The following MARCHF4 variants were observed in gnomAD, a reference collection of about 807,000 sequenced individuals.
MARCHF4 encodes the protein membrane associated ring-CH-type finger 4, also known as E3 ubiquitin-protein ligase MARCHF4.
Under a neutral mutation model 43.9 loss-of-function variants are expected in MARCHF4, and 14 were observed. That is an observed-to-expected ratio of 0.32 (90% CI 0.21 to 0.50). The LOEUF (loss-of-function observed/expected upper bound fraction) is 0.50, where lower values mean the gene tolerates loss of function less well. Among genes scored for constraint, MARCHF4 ranks in the 20% least tolerant of loss-of-function variants. The pLI is 0.98. For missense variants in MARCHF4, 468 were observed against 536.7 expected (o/e 0.87, Z 1.27); for synonymous variants, 226 against 213.3 (o/e 1.06, Z -0.52).
At chr2:216,368,423 C>A (rs988506999) in intron 1 of MARCHF4, among the ~76,000 whole-genome samples, 2 of 152,124 alleles carry the variant, frequency 1.3e-5, no homozygotes, top group African/African-American at 4.8e-5. Context: ...ATGGAAGAAC[C>A]CAGCCCCCAG....
chr2:216,275,990 T>G (rs1328546528), intron 3 of MARCHF4, among the ~76,000 whole-genome samples: 2 of 152,222 alleles, frequency 1.3e-5, no homozygotes, highest in Non-Finnish European at 2.9e-5. Flanking sequence ...AACCAGAAGT[T>G]AAGCCCAGCC....
chr2:216,301,251 C>T (rs1691488844), intron 1 of MARCHF4, among the ~76,000 whole-genome samples: 1 of 152,220 alleles, frequency 6.6e-6, no homozygotes, highest in South Asian at 2.1e-4. Flanking sequence ...ACCTCCCATG[C>T]TCAGGGGCCT....
intron 1 of MARCHF4, among the ~76,000 whole-genome samples, chr2:216,297,565 G>A (rs1691416656): frequency 6.6e-6 from 1 of 152,192 alleles, no homozygotes; most frequent in Non-Finnish European, 1.5e-5. Flanking sequence ...AGGCTGGAGT[G>A]CAGTGGCACA....
chr2:216,364,473 C>A (rs541906402), intron 1 of MARCHF4, among the ~76,000 whole-genome samples: 1 of 152,280 alleles, frequency 6.6e-6, no homozygotes, highest in South Asian at 2.1e-4. Flanking sequence ...TTCAGCTGCA[C>A]CTCTCCCCAC....
intron 2 of MARCHF4, among the ~76,000 whole-genome samples, chr2:216,282,940 C>T (rs1043185985): frequency 7.2e-5 from 11 of 152,160 alleles, no homozygotes; most frequent in African/African-American, 2.7e-4. Flanking sequence ...GAAGTGTGGT[C>T]TCTGAACCAG....
Position 216,370,008 on chromosome 2 carries a change from C to CCG in MARCHF4, c.252_253insCG (p.Gly85ArgfsTer75). ...GGGCCCCTCCAGCCTGCCCACCCCC[C>CCG]GGCGCCCAGAGCCGGAAGGGTGTTG... On this transcript the variant is annotated frameshift_variant, in exon 1 of 4. Coordinates refer to ENST00000273067, the MANE Select transcript of MARCHF4 (RefSeq NM_020814.3). LOFTEE classifies it high-confidence loss of function. 6.5e-7 allele frequency: 1 copy of CCG among 1,539,896 alleles called. No individual in the cohort carries two copies. The highest frequency in any genetic ancestry group is 8.8e-7 in the Non-Finnish European group (1 of 1,138,674).
rs558014893 is a variant in MARCHF4 at position 216,350,369 on chromosome 2, C to T, written c.516+19376G>A. 8.1e-5 allele frequency among the ~76,000 whole-genome samples: 12 copies of T among 148,750 alleles called. 1 individual carries two copies. The South Asian group carries it at 2.6e-3, about 32-fold the overall frequency. On this transcript the variant is annotated intron_variant, in intron 1 of 3. Transcript: ENST00000273067. ...ACACTCCTTCATTACGCCACACTCC[C>T]TCACTATGCCACATCCCTCACCATG...
In MARCHF4 at chr2:216,307,864, G is replaced by A. The variant is rs543560372; in HGVS notation, c.517-24135C>T. ...TTTTGAGACTAGCCTGGGCAACATG[G>A]CAAGACCCCTATCTCTACAGAAAAA... On this transcript the variant is annotated intron_variant, in intron 1 of 3. Transcript: ENST00000273067. Among the ~76,000 whole-genome samples the A allele has an allele frequency of 3.2e-4, 49 of 152,184 alleles. No individual in the cohort carries two copies. The East Asian group carries it at 8.1e-3, about 25-fold the overall frequency.
intron 2 of MARCHF4, 130 bp downstream of exon 2, chr2:216,283,431 CGCCCACCGTGCTT>C (rs1183296834): frequency 1.1e-6 from 1 of 908,186 alleles, no homozygotes; most frequent in Admixed American, 2.5e-5. Flanking sequence ...TGCCCCACGC[CGCCCACCGTGCTT>C]GCCCACCCAG....
chr2:216,344,685 T>C (rs16855940), intron 1 of MARCHF4, among the ~76,000 whole-genome samples: 3,532 of 151,412 alleles, frequency 0.023, 144 homozygotes, highest in African/African-American at 0.081. Context: ...GATTGGAAAA[T>C]AGGAGTAGGC....
chr2:216,300,442 C>T (rs1333318671), intron 1 of MARCHF4, among the ~76,000 whole-genome samples: 3 of 151,418 alleles, frequency 2.0e-5, no homozygotes, highest in Non-Finnish European at 2.9e-5. Flanking sequence ...CTCCCAGGCT[C>T]GAGTGATCGT....
At chr2:216,303,013 A>G (rs1024191215) in intron 1 of MARCHF4, among the ~76,000 whole-genome samples, 8 of 151,660 alleles carry the variant, frequency 5.3e-5, no homozygotes, top group Admixed American at 1.3e-4. Context: ...CCTCAATTCC[A>G]TTTCTTCTCT....
At chr2:216,331,070 C>T (rs769081773) in intron 1 of MARCHF4, among the ~76,000 whole-genome samples, 3 of 151,934 alleles carry the variant, frequency 2.0e-5, no homozygotes, top group Non-Finnish European at 4.4e-5. Flanking sequence ...AGAAAGTCAA[C>T]AACGCCAAAT....
At chr2:216,333,052 T>C (rs1692104413) in intron 1 of MARCHF4, among the ~76,000 whole-genome samples, 1 of 152,206 alleles carries the variant, frequency 6.6e-6, no homozygotes, top group South Asian at 2.1e-4. Flanking sequence ...TCCATAACTC[T>C]TCTAGAAGAA....
intron 1 of MARCHF4, among the ~76,000 whole-genome samples, chr2:216,289,242 C>CTA (rs1316928661): frequency 1.4e-5 from 2 of 138,142 alleles, no homozygotes; most frequent in Admixed American, 7.3e-5. Flanking sequence ...CACCCGCCCC[C>CTA]CACCCAAGTT....
At chr2:216,306,423 T>G (rs916501465) in intron 1 of MARCHF4, among the ~76,000 whole-genome samples, 1 of 152,204 alleles carries the variant, frequency 6.6e-6, no homozygotes, top group Admixed American at 6.5e-5. Context: ...AATGAAGACT[T>G]TATTGTGTGT....
At chr2:216,365,040 G>A (rs533815276) in intron 1 of MARCHF4, among the ~76,000 whole-genome samples, 1 of 152,272 alleles carries the variant, frequency 6.6e-6, no homozygotes, top group Admixed American at 6.5e-5. Flanking sequence ...TCTTCTTTGT[G>A]GAAGACAGAT....
Position 216,371,583 on chromosome 2 carries a change from G to T in MARCHF4, c.-1323C>A, listed in dbSNP as rs973873229. 6.6e-6 allele frequency: 1 copy of T among 152,414 alleles called. No individual in the cohort carries two copies. Among genetic ancestry groups the T allele is most frequent in the Non-Finnish European group, 1.5e-5 (1 of 68,250 alleles). 9.4% of individuals were successfully genotyped at this position (152,414 alleles called of 1,614,324 possible). On this transcript the variant is annotated 5_prime_UTR_variant, in exon 1 of 4. Coordinates refer to ENST00000273067, the MANE Select transcript of MARCHF4 (RefSeq NM_020814.3). ...CTGCTGCCCGCCGTCCGGCGCGGTC[G>T]CGACTCCGGCCTTCATGATCCTCCT... is the stretch of plus-strand genomic sequence containing the variant.
chr2:216,277,618 A>C, intron 3 of MARCHF4, 54 bp downstream of exon 3: 10 of 1,519,890 alleles, frequency 6.6e-6, no homozygotes, highest in Non-Finnish European at 8.9e-6. Context: ...GGATCTGTCC[A>C]TCCCACGAGC....
Sources: allele counts gnomAD v4.1 joint callset (sites outside exome capture counted in the v4.1 genomes callset), GRCh38; gene constraint gnomAD v4.1.1; transcripts MANE v1.5; gene names NCBI Gene and HGNC (gene_info 2026-07-23, HGNC 2026-07-21).